KIAA1328: variants seen among roughly 807,000 people sequenced by gnomAD.
KIAA1328 encodes the protein KIAA1328.
KIAA1328 carries 52 observed loss-of-function variants against 68.1 expected under a neutral mutation model. That is an observed-to-expected ratio of 0.76 (90% CI 0.61 to 0.96). The LOEUF (loss-of-function observed/expected upper bound fraction) is 0.96, where lower values mean the gene tolerates loss of function less well. Ranked by LOEUF, KIAA1328 falls within the 40% of genes least tolerant of loss-of-function variation. The pLI, the probability that KIAA1328 is intolerant of heterozygous loss-of-function variation, is 0.00. For synonymous variants in KIAA1328, 232 were observed against 239.4 expected, an observed-to-expected ratio of 0.97 and a Z score of 0.28; for missense variants, 641 against 677.6, an observed-to-expected ratio of 0.95 and a Z score of 0.60.
chr18:36,973,045 A>G (rs565135116), intron 6 of KIAA1328, among the ~76,000 whole-genome samples: 49 of 152,302 alleles, frequency 3.2e-4, no homozygotes, highest in Non-Finnish European at 2.5e-4. Context: ...TTTTAAAAAT[A>G]TTTTGCTTTT....
chr18:36,841,139 T>C (rs1319804720), intron 3 of KIAA1328, among the ~76,000 whole-genome samples: 1 of 152,064 alleles, frequency 6.6e-6, no homozygotes, highest in Admixed American at 6.5e-5. Context: ...GTGTCTCTAC[T>C]GTTCCCAGTC....
At chr18:37,207,791 A>ATCAT (rs1291047826) in intron 9 of KIAA1328, among the ~76,000 whole-genome samples, 12 of 152,302 alleles carry the variant, frequency 7.9e-5, no homozygotes, top group Admixed American at 6.5e-4. Context: ...AAGAGAACTC[A>ATCAT]TCATTCATTC....
At chr18:37,185,867 C>T (rs568829988) in intron 9 of KIAA1328, among the ~76,000 whole-genome samples, 32 of 151,574 alleles carry the variant, frequency 2.1e-4, no homozygotes, top group South Asian at 4.2e-4. Context: ...ATTTCTTGTG[C>T]GGAAATTCAT....
At chr18:36,853,822 A>T (rs917407347) in intron 4 of KIAA1328, among the ~76,000 whole-genome samples, 1 of 151,714 alleles carries the variant, frequency 6.6e-6, no homozygotes, top group African/African-American at 2.4e-5. Context: ...AGCCCAGCTA[A>T]TTTTTTTGTA....
chr18:36,953,885 T>C (rs2051278637), intron 5 of KIAA1328, among the ~76,000 whole-genome samples: 1 of 152,084 alleles, frequency 6.6e-6, no homozygotes, highest in Non-Finnish European at 1.5e-5. Context: ...TCTCTTAATC[T>C]AAAATAGGCC....
chr18:37,116,501 A>C (rs1335450823), intron 7 of KIAA1328, among the ~76,000 whole-genome samples: 5 of 152,224 alleles, frequency 3.3e-5, no homozygotes, highest in Non-Finnish European at 5.9e-5. Context: ...ACCTTATACA[A>C]AAATTAATTC....
intron 6 of KIAA1328, among the ~76,000 whole-genome samples, chr18:37,046,405 A>AG (rs1188358714): frequency 2.0e-5 from 3 of 152,160 alleles, no homozygotes; most frequent in African/African-American, 7.2e-5. Context: ...GTTTTTGAAC[A>AG]GGTTCTCTCT....
chr18:37,084,988 C>T (rs1013142380), intron 7 of KIAA1328, among the ~76,000 whole-genome samples: 6 of 152,060 alleles, frequency 3.9e-5, no homozygotes, highest in African/African-American at 1.4e-4. Flanking sequence ...AGGCCTAGGT[C>T]TGCCTCAGGT....
At chr18:37,081,323 G>C (rs774523761) in intron 7 of KIAA1328, among the ~76,000 whole-genome samples, 1 of 152,044 alleles carries the variant, frequency 6.6e-6, no homozygotes, top group Non-Finnish European at 1.5e-5. Flanking sequence ...TAGTTATCCT[G>C]CCTACTGCCA....
intron 6 of KIAA1328, among the ~76,000 whole-genome samples, chr18:37,000,104 A>G (rs1239461132): frequency 6.6e-6 from 1 of 152,140 alleles, no homozygotes; most frequent in Non-Finnish European, 1.5e-5. Flanking sequence ...TATGCTGCAT[A>G]CAAGAAACTC....
chr18:36,975,598 C>T (rs532117536), intron 6 of KIAA1328, among the ~76,000 whole-genome samples: 8 of 152,170 alleles, frequency 5.3e-5, no homozygotes, highest in Non-Finnish European at 1.0e-4. Context: ...CAGATAAAAC[C>T]TCAGAAAATG....
At chr18:36,895,853 T>A (rs2048850531) in intron 5 of KIAA1328, 2 of 453,028 alleles carry the variant, frequency 4.4e-6, no homozygotes, top group Middle Eastern at 3.2e-4. Context: ...GAGATCTCTC[T>A]GTCACACACC....
At chr18:37,129,467 T>A (rs12970220) in intron 7 of KIAA1328, among the ~76,000 whole-genome samples, 2 of 152,320 alleles carry the variant, frequency 1.3e-5, no homozygotes, top group East Asian at 1.9e-4. Context: ...TTTGCTTTTT[T>A]AATTAATATT....
At chr18:36,874,831 C>A (rs2048066670) in intron 4 of KIAA1328, among the ~76,000 whole-genome samples, 2 of 152,156 alleles carry the variant, frequency 1.3e-5, no homozygotes, top group Non-Finnish European at 1.5e-5. Flanking sequence ...ACGTTTAAGT[C>A]TTTAATCCAT....
chr18:37,141,467 A>G (rs1156408162), intron 7 of KIAA1328, among the ~76,000 whole-genome samples: 1 of 152,202 alleles, frequency 6.6e-6, no homozygotes. Flanking sequence ...TTGTATAAGT[A>G]TATTACAACT....
At chr18:37,144,315 G>T (rs1166227732) in intron 7 of KIAA1328, among the ~76,000 whole-genome samples, 3 of 151,876 alleles carry the variant, frequency 2.0e-5, no homozygotes, top group African/African-American at 7.3e-5. Flanking sequence ...TGGTAGAGGG[G>T]TTTACCACTT....
chr18:37,037,643 G>A (rs1360454495), intron 6 of KIAA1328, among the ~76,000 whole-genome samples: 1 of 152,090 alleles, frequency 6.6e-6, no homozygotes, highest in Non-Finnish European at 1.5e-5. Flanking sequence ...CAGCACTTTG[G>A]GAGGCTGAGG....
At chr18:37,020,750 A>G (rs193224730) in intron 6 of KIAA1328, among the ~76,000 whole-genome samples, 24 of 152,330 alleles carry the variant, frequency 1.6e-4, no homozygotes, top group Admixed American at 7.2e-4. Context: ...GCCTGATGGC[A>G]TCCTTTCAGA....
chr18:37,223,967 A>G lies in KIAA1328; in HGVS notation c.*1740A>G. 1 of 985,386 alleles carries G rather than the reference A, an allele frequency of 1.0e-6. No homozygotes were observed. The highest frequency in any genetic ancestry group is 1.2e-6 in the Non-Finnish European group (1 of 829,880). 61.0% of individuals were successfully genotyped at this position (985,386 alleles called of 1,614,324 possible). On this transcript the variant is annotated 3_prime_UTR_variant, in exon 10 of 10. Transcript: ENST00000280020. Reference sequence around the variant, plus strand: ...AATCATTACAGATTAAAATTTCTTTATAAAGTTCACCTCTGAGAGTAACCA... The same window carrying G: ...AATCATTACAGATTAAAATTTCTTTGTAAAGTTCACCTCTGAGAGTAACCA...
Sources: gnomAD v4.1 joint callset for allele counts (sites outside exome capture counted in the v4.1 genomes callset) on GRCh38, gnomAD v4.1.1 for gene constraint, MANE v1.5 for transcripts, NCBI Gene and HGNC (gene_info 2026-07-23, HGNC 2026-07-21) for gene names.